The following GOLGA4 variants were observed in gnomAD, a reference collection of about 807,000 sequenced individuals.
GOLGA4 encodes the protein golgin A4, also known as golgin subfamily A member 4.
GOLGA4 carries 169 observed loss-of-function variants against 265.9 expected under a neutral mutation model. The observed-to-expected ratio is 0.64, with a 90% CI of 0.56 to 0.72. The LOEUF (loss-of-function observed/expected upper bound fraction) is 0.72, where lower values mean the gene tolerates loss of function less well. GOLGA4 is among the 30% of genes least tolerant of loss of function. The probability of loss-of-function intolerance (pLI) is 0.00; values close to 1 mark genes in which losing one functional copy is unlikely to be tolerated. For missense variants in GOLGA4, 2,482 were observed against 2,483.4 expected, an observed-to-expected ratio of 1.00 and a Z score of 0.01; for synonymous variants, 923 against 855.8, an observed-to-expected ratio of 1.08 and a Z score of -1.37.
At chr3:37,341,823 T>G (rs1281213204) in intron 20 of GOLGA4, 1 of 152,246 alleles carries the variant, frequency 6.6e-6, no homozygotes, top group Non-Finnish European at 1.5e-5. Context: ...TCCTACATAA[T>G]TAATTTTTTC....
chr3:37,327,251 G>A lies in GOLGA4; in HGVS notation c.5365G>A (p.Glu1789Lys), dbSNP rs1173298031. The A allele has an allele frequency of 6.2e-7, 1 of 1,613,838 alleles. No homozygotes were observed. The highest frequency in any genetic ancestry group is 8.5e-7 in the Non-Finnish European group (1 of 1,179,820). ...KLEHAEAKQH[E>K]DQSMIGHLQE... ...AGAACATGCTGAGGCAAAGCAACAT[G>A]AAGATCAAAGTATGATAGGTCATCT... The change falls in exon 14 of 24, where the codon GAA becomes AAA. Residue 1789 changes from glutamate (E) to lysine (K), a missense_variant. Glu to Lys is a moderately conservative substitution (Grantham distance 56). Around this residue, in one of 3 missense-constraint regions of GOLGA4, gnomAD observed 942 missense variants for 983.1 expected, o/e 0.96. Coordinates refer to ENST00000361924, the MANE Select transcript of GOLGA4 (RefSeq NM_002078.5).
At position 37,325,672 on chromosome 3, in the gene GOLGA4, G is replaced by A; in HGVS notation, c.3786G>A (p.Glu1262=). The part of the protein sequence containing the change: ...HCQHRTTKVK[E]ALLIKTCTVS... Reference sequence around the variant, plus strand: ...AGCACCGTACAACTAAAGTTAAGGAGGCACTGTTAATTAAAACTTGCACAG... The same window carrying A: ...AGCACCGTACAACTAAAGTTAAGGAAGCACTGTTAATTAAAACTTGCACAG... Residue 1262 remains glutamate, a synonymous_variant, in exon 14 of 24, where the codon GAG becomes GAA. Coordinates refer to ENST00000361924, the MANE Select transcript of GOLGA4 (RefSeq NM_002078.5). The A allele has an allele frequency of 6.2e-7, 1 of 1,613,886 alleles. No homozygotes were observed. The highest frequency in any genetic ancestry group is 8.5e-7 in the Non-Finnish European group (1 of 1,179,782).
intron 21 of GOLGA4, among the ~76,000 whole-genome samples, chr3:37,351,103 G>A (rs1337210619): frequency 6.6e-6 from 1 of 152,112 alleles, no homozygotes; most frequent in Non-Finnish European, 1.5e-5. Flanking sequence ...CAAAATTGCA[G>A]TCAGTTCTCT....
At chr3:37,263,299 G>A (rs1351134233) in intron 2 of GOLGA4, among the ~76,000 whole-genome samples, 1 of 152,048 alleles carries the variant, frequency 6.6e-6, no homozygotes, top group Non-Finnish European at 1.5e-5. Context: ...GTCCAACCCA[G>A]CTTATTTTGC....
chr3:37,327,371 C>A lies in GOLGA4; in HGVS notation c.5485C>A (p.Gln1829Lys). Residue 1829 changes from glutamine to lysine, a missense_variant, in exon 14 of 24, where the codon CAA becomes AAA. Around this residue, in one of 3 missense-constraint regions of GOLGA4, gnomAD observed 942 missense variants for 983.1 expected, o/e 0.96. Coordinates refer to ENST00000361924, the MANE Select transcript of GOLGA4 (RefSeq NM_002078.5). ...EGGKNNIQAK[Q>K]NLENVFDDVQ... is the part of the protein sequence containing the mutation. ...AGGTAAAAATAACATACAGGCAAAG[C>A]AAAACTTGGAAAATGTGTTTGACGA... 1 of 1,613,758 alleles carries A rather than the reference C, an allele frequency of 6.2e-7. No individual in the cohort carries two copies.
chr3:37,275,818 G>T (rs991656295), intron 2 of GOLGA4: 2 of 1,613,734 alleles, frequency 1.2e-6, no homozygotes, highest in Non-Finnish European at 1.7e-6. Context: ...AATTACTGCA[G>T]TCCACAAGAA....
At chr3:37,357,320 AGTCATCTACTCTTCTAGTTGT>A in intron 22 of GOLGA4, among the ~76,000 whole-genome samples, 1 of 152,286 alleles carries the variant, frequency 6.6e-6, no homozygotes, top group Non-Finnish European at 1.5e-5. Flanking sequence ...TTCAGTCAAC[AGTCATCTACTCTTCTAGTTGT>A]TATGGGAAAT....
At chr3:37,353,888 C>T (rs773648207) in intron 21 of GOLGA4, among the ~76,000 whole-genome samples, 6 of 151,872 alleles carry the variant, frequency 4.0e-5, no homozygotes, top group Non-Finnish European at 7.4e-5. Flanking sequence ...CCACCATGCC[C>T]GACTGAACTT....
In GOLGA4 at chr3:37,323,889, T is replaced by A; in HGVS notation, c.2003T>A (p.Ile668Lys). The change falls in exon 14 of 24, where the codon ATA becomes AAA. Residue 668 changes from isoleucine (I) to lysine (K), a missense_variant. By Grantham distance (102) the Ile-to-Lys change is moderately radical. Transcript: ENST00000361924. ...AAAGAGATTATCTTCCAGGCCCACATAGAAGAAATGAATGAAAAGACTTTA... is the reference window on the plus strand; with the variant it reads ...AAAGAGATTATCTTCCAGGCCCACAAAGAAGAAATGAATGAAAAGACTTTA... ...KDKEIIFQAH[I>K]EEMNEKTLEK... 1 of 1,613,554 alleles carries A rather than the reference T, an allele frequency of 6.2e-7. No individual in the cohort carries two copies. Among genetic ancestry groups the A allele is most frequent in the Non-Finnish European group, 8.5e-7 (1 of 1,179,826 alleles).
At chr3:37,300,292 C>A (rs1417212949) in intron 9 of GOLGA4, among the ~76,000 whole-genome samples, 3 of 152,138 alleles carry the variant, frequency 2.0e-5, no homozygotes, top group Non-Finnish European at 4.4e-5. Flanking sequence ...TTTTTCTAAG[C>A]AGCTCCCAGT....
rs2096708128 is a variant in GOLGA4 at position 37,243,434 on chromosome 3, G to A, written c.-117G>A. 3.5e-6 allele frequency: 3 copies of A among 859,600 alleles called. No homozygotes were observed. Among genetic ancestry groups the A allele is most frequent in the Admixed American group, 4.0e-5 (2 of 49,766 alleles). The allele number at this position is 859,600 out of a possible 1,614,324, so 53.2% of individuals were successfully genotyped here. A position where few individuals can be genotyped will look rare whatever the true frequency, so the allele number is the denominator to read the frequency against. ...CACAGCCTCAAGGAGGAGACGGCGA[G>A]GCCCGGCCCCCGCTGTCCCTGGTGT... On this transcript the variant is annotated 5_prime_UTR_variant, in exon 1 of 24. Coordinates refer to ENST00000361924, the MANE Select transcript of GOLGA4 (RefSeq NM_002078.5).
At position 37,319,054 on chromosome 3, in the gene GOLGA4, C is replaced by T; in HGVS notation, c.1414-9C>T. 1 of 1,575,614 alleles carries T rather than the reference C, an allele frequency of 6.3e-7. No homozygotes were observed. Among genetic ancestry groups the T allele is most frequent in the Non-Finnish European group, 8.6e-7 (1 of 1,161,794 alleles). On this transcript the variant is annotated splice_polypyrimidine_tract_variant and intron_variant, in intron 11 of 23. Transcript: ENST00000361924. ...GTGTCCTTATATTATCTATTTGGCT[C>T]ATTTTCAGAAATCCTCAGAAGAACA...
Position 37,243,543 on chromosome 3 carries a change from G to C in GOLGA4, c.-8G>C. On this transcript the variant is annotated 5_prime_UTR_variant, in exon 1 of 24. Coordinates refer to ENST00000361924, the MANE Select transcript of GOLGA4 (RefSeq NM_002078.5). ...CGTTGACACTCAGGACCGTACGTACGCTGCGCCATGTTCAAGAAACTGAAG... is the reference window on the plus strand; with the variant it reads ...CGTTGACACTCAGGACCGTACGTACCCTGCGCCATGTTCAAGAAACTGAAG... 6.2e-7 allele frequency: 1 copy of C among 1,613,832 alleles called. No individual in the cohort carries two copies. Among genetic ancestry groups the C allele is most frequent in the Non-Finnish European group, 8.5e-7 (1 of 1,179,770 alleles).
chr3:37,323,950 A>T lies in GOLGA4; in HGVS notation c.2064A>T (p.Ser688=), dbSNP rs2096962425. ...KLDVKQTELE[S]LSSELSEVLK... ...ATGTGAAGCAAACAGAACTAGAATC[A>T]TTATCTTCTGAACTGTCAGAAGTAT... is the stretch of plus-strand genomic sequence containing the variant. Residue 688 remains serine (S), a synonymous_variant, in exon 14 of 24, where the codon TCA becomes TCT. Transcript: ENST00000361924. The T allele has an allele frequency of 6.2e-7, 1 of 1,613,530 alleles. No individual in the cohort carries two copies. Among genetic ancestry groups the T allele is most frequent in the African/African-American group, 1.3e-5 (1 of 74,978 alleles).
rs777577212 is a variant in GOLGA4 at position 37,321,728 on chromosome 3, C to A, written c.1546-3C>A. Reference sequence around the variant, plus strand: ...AAGGTGGTATTAATTATTTTTGGCACAGGAAAAGAGTCAATCAGAATATTT... The same window carrying A: ...AAGGTGGTATTAATTATTTTTGGCAAAGGAAAAGAGTCAATCAGAATATTT... On this transcript the variant is annotated splice_polypyrimidine_tract_variant and splice_region_variant and intron_variant, in intron 12 of 23. Transcript: ENST00000361924. The A allele has an allele frequency of 1.3e-6, 2 of 1,593,996 alleles. No individual in the cohort carries two copies. Among genetic ancestry groups the A allele is most frequent in the East Asian group, 2.2e-5 (1 of 44,732 alleles).
Position 37,326,638 on chromosome 3 carries a change from A to G in GOLGA4, c.4752A>G (p.Glu1584=), listed in dbSNP as rs774229772. The G allele has an allele frequency of 8.1e-6, 13 of 1,611,666 alleles. No individual in the cohort carries two copies. In the African/African-American group the frequency reaches 1.3e-4, roughly 17 times the overall value. Residue 1584 remains glutamate (E), a synonymous_variant, in exon 14 of 24, where the codon GAA becomes GAG. Transcript: ENST00000361924. ...AGGACAACAGGGTTAAAGAAGCTGAAGAAAAAATCTTAACACTTGAAAACC... is the reference window on the plus strand; with the variant it reads ...AGGACAACAGGGTTAAAGAAGCTGAGGAAAAAATCTTAACACTTGAAAACC... ...EEKDNRVKEA[E]EKILTLENQV... is the part of the protein sequence containing the mutation.
chr3:37,281,103 G>C (rs755422069), intron 2 of GOLGA4, among the ~76,000 whole-genome samples: 3 of 152,140 alleles, frequency 2.0e-5, no homozygotes, highest in Non-Finnish European at 2.9e-5. Context: ...AGTAAATATT[G>C]ACTGCTGTGA....
At chr3:37,268,683 C>T (rs1191649190) in intron 2 of GOLGA4, among the ~76,000 whole-genome samples, 1 of 152,024 alleles carries the variant, frequency 6.6e-6, no homozygotes, top group Non-Finnish European at 1.5e-5. Flanking sequence ...GTGATCCGCC[C>T]ACTTCAGCCT....
Position 37,327,838 on chromosome 3 carries a change from T to C in GOLGA4, c.5939+13T>C, listed in dbSNP as rs1257056156. 1 of 1,574,674 alleles carries C rather than the reference T, an allele frequency of 6.4e-7. No homozygotes were observed. Reference sequence around the variant, plus strand: ...AAGAGAAAATCAAGTAAGTTTTATTTCAGCTTGAATATTTTTATGGCAGTC... The same window carrying C: ...AAGAGAAAATCAAGTAAGTTTTATTCCAGCTTGAATATTTTTATGGCAGTC... On this transcript the variant is annotated intron_variant, in intron 14 of 23. Transcript: ENST00000361924.
Sources: gnomAD v4.1 joint callset for allele counts (sites outside exome capture counted in the v4.1 genomes callset) on GRCh38, gnomAD v4.1.1 for gene constraint, gnomAD v4.1.1 regional missense constraint, MANE v1.5 for transcripts, NCBI Gene and HGNC (gene_info 2026-07-23, HGNC 2026-07-21) for gene names.